BARX2: variants seen among roughly 807,000 people sequenced by gnomAD.
BARX2 encodes the protein BARX homeobox 2.
Under a neutral mutation model 25.5 loss-of-function variants are expected in BARX2, and 11 were observed. The ratio of observed to expected loss-of-function variants is 0.43; its 90% CI spans 0.27 to 0.71. BARX2 has a LOEUF of 0.71. BARX2 is among the 30% of genes least tolerant of loss of function. BARX2 has a pLI of 0.19. For synonymous variants in BARX2, 137 were observed against 149.5 expected (o/e 0.92, Z 0.61); for missense variants, 360 against 359.9 (o/e 1.00, Z 0.00).
intron 1 of BARX2, among the ~76,000 whole-genome samples, chr11:129,418,582 A>G (rs1861969445): frequency 6.6e-6 from 1 of 152,144 alleles, no homozygotes; most frequent in African/African-American, 2.4e-5. Flanking sequence ...TTTAGTGTAT[A>G]CATTTCTACA....
rs1291588132 is a variant in BARX2 at position 129,390,169 on chromosome 11, C to T, written c.187+13947C>T. Among the ~76,000 whole-genome samples, 1 of 152,146 alleles carries T rather than the reference C, an allele frequency of 6.6e-6. No homozygotes were observed. Among genetic ancestry groups the T allele is most frequent in the Non-Finnish European group, 1.5e-5 (1 of 68,020 alleles). On this transcript the variant is annotated intron_variant, in intron 1 of 3. Coordinates refer to ENST00000281437, the MANE Select transcript of BARX2 (RefSeq NM_003658.5). The surrounding 1 kb of genome is among the most constrained non-coding windows in gnomAD (Gnocchi z 4.3). ...ACCTTCTATGGTGCAAAGGCATCGC[C>T]AGTGAACAGGGTGATGCCTCTGTCC...
intron 3 of BARX2, among the ~76,000 whole-genome samples, chr11:129,447,190 G>A (rs1200955184): frequency 6.6e-6 from 1 of 152,184 alleles, no homozygotes; most frequent in Non-Finnish European, 1.5e-5. Context: ...TAGAGGGAAG[G>A]AGAGAGTTCC....
chr11:129,418,182 G>C (rs1861965019), intron 1 of BARX2, among the ~76,000 whole-genome samples: 1 of 152,102 alleles, frequency 6.6e-6, no homozygotes, highest in Admixed American at 6.5e-5. Flanking sequence ...AAGCACTATT[G>C]ATATCTATCT....
intron 2 of BARX2, among the ~76,000 whole-genome samples, chr11:129,439,353 C>T (rs1036910305): frequency 3.3e-5 from 5 of 151,900 alleles, no homozygotes; most frequent in Admixed American, 1.3e-4. Flanking sequence ...TAGGTATACA[C>T]GTGCCATGGT....
chr11:129,439,278 AT>A (rs960327390), intron 2 of BARX2, among the ~76,000 whole-genome samples: 4 of 150,452 alleles, frequency 2.7e-5, no homozygotes, highest in Non-Finnish European at 4.4e-5. Flanking sequence ...GAGGAGGACA[AT>A]TTTTTTTTTA....
chr11:129,401,228 T>A (rs1861771880), intron 1 of BARX2, among the ~76,000 whole-genome samples: 1 of 152,132 alleles, frequency 6.6e-6, no homozygotes, highest in African/African-American at 2.4e-5. Context: ...TGCAAGAAAC[T>A]TGGCTAAGGT....
At chr11:129,425,482 CA>C (rs1227761668) in intron 1 of BARX2, among the ~76,000 whole-genome samples, 1 of 152,194 alleles carries the variant, frequency 6.6e-6, no homozygotes, top group Non-Finnish European at 1.5e-5. Flanking sequence ...AAGACCACAC[CA>C]TGTCCATGTG....
intron 1 of BARX2, among the ~76,000 whole-genome samples, chr11:129,388,712 T>C (rs112767989): frequency 6.6e-6 from 1 of 152,176 alleles, no homozygotes; most frequent in African/African-American, 2.4e-5. Context: ...TCTCTATTTT[T>C]AAAAACCTTT....
intron 2 of BARX2, among the ~76,000 whole-genome samples, chr11:129,440,345 T>C (rs916087802): frequency 2.6e-5 from 4 of 152,208 alleles, no homozygotes; most frequent in African/African-American, 7.2e-5. Context: ...GAGCCTTCCA[T>C]TGACTAATGC....
intron 3 of BARX2, among the ~76,000 whole-genome samples, chr11:129,444,674 G>C (rs903086689): frequency 2.0e-5 from 3 of 152,186 alleles, no homozygotes; most frequent in Non-Finnish European, 4.4e-5. Flanking sequence ...GTTCAGAAGA[G>C]AGGTAATGGA....
chr11:129,408,970 CT>C (rs1476087215), intron 1 of BARX2, among the ~76,000 whole-genome samples: 2 of 152,102 alleles, frequency 1.3e-5, no homozygotes, highest in African/African-American at 4.8e-5. Flanking sequence ...GGGCTGTGAC[CT>C]TTGTTGCCCT....
Position 129,436,485 on chromosome 11 carries a change from G to A in BARX2, c.188-266G>A. On this transcript the variant is annotated intron_variant, in intron 1 of 3. Coordinates refer to ENST00000281437, the MANE Select transcript of BARX2 (RefSeq NM_003658.5). The surrounding 1 kb of genome is among the most constrained non-coding windows in gnomAD (Gnocchi z 4.5). Reference sequence around the variant, plus strand: ...TTTAGGGATTCCGAAGGGAGAGAGGGGAAAGATCTGCTTAAAACCAGAGGA... The same window carrying A: ...TTTAGGGATTCCGAAGGGAGAGAGGAGAAAGATCTGCTTAAAACCAGAGGA... 1 of 391,792 alleles carries A rather than the reference G, an allele frequency of 2.6e-6. No homozygotes were observed. The highest frequency in any genetic ancestry group is 2.1e-5 in the African/African-American group (1 of 48,730). The allele number at this position is 391,792 out of a possible 1,614,324, so 24.3% of individuals were successfully genotyped here.
intron 1 of BARX2, among the ~76,000 whole-genome samples, chr11:129,432,835 T>A (rs989488250): frequency 4.6e-5 from 7 of 152,194 alleles, no homozygotes; most frequent in African/African-American, 1.7e-4. Flanking sequence ...TCATCTAGAT[T>A]TGGGGATGCC....
intron 1 of BARX2, among the ~76,000 whole-genome samples, chr11:129,386,467 A>G (rs1479318931): frequency 6.6e-6 from 1 of 152,210 alleles, no homozygotes; most frequent in Non-Finnish European, 1.5e-5. Flanking sequence ...TATCTGTCCA[A>G]GTTCTCTTTA....
chr11:129,377,438 C>T (rs1484674968), intron 1 of BARX2, among the ~76,000 whole-genome samples: 1 of 152,212 alleles, frequency 6.6e-6, no homozygotes, highest in Non-Finnish European at 1.5e-5. Context: ...ATACTGTATT[C>T]AGTTATGCCT....
At position 129,451,242 on chromosome 11, in the gene BARX2, A is replaced by G; in HGVS notation, c.680A>G (p.Gln227Arg). 1 of 1,614,216 alleles carries G rather than the reference A, an allele frequency of 6.2e-7. No individual in the cohort carries two copies. Among genetic ancestry groups the G allele is most frequent in the Non-Finnish European group, 8.5e-7 (1 of 1,180,034 alleles). Residue 227 changes from glutamine to arginine, a missense_variant, in exon 4 of 4, where the codon CAG becomes CGG. Physicochemically the swap from Gln to Arg is conservative, Grantham distance 43 (BLOSUM62 1). This residue lies in a region of BARX2 where 114 missense variants were observed against 109.4 expected (regional missense o/e 1.04). Transcript: ENST00000281437. ...EIEAEEKMNS[Q>R]AQGQEQLEPS... ...GAAGCTGAAGAGAAGATGAACAGCC[A>G]GGCCCAGGGTCAGGAGCAGCTGGAG...
At chr11:129,411,731 G>A (rs1032075286) in intron 1 of BARX2, among the ~76,000 whole-genome samples, 2 of 152,268 alleles carry the variant, frequency 1.3e-5, no homozygotes, top group African/African-American at 4.8e-5. Flanking sequence ...CCACACGGCA[G>A]AATCACCAGG....
chr11:129,437,199 T>G lies in BARX2; in HGVS notation c.488+148T>G, dbSNP rs1862201913. 4 of 963,128 alleles carry G rather than the reference T, an allele frequency of 4.2e-6. No homozygotes were observed. The Admixed American group carries it at 1.4e-4, about 33-fold the overall frequency. 59.7% of individuals were successfully genotyped at this position (963,128 alleles called of 1,614,324 possible). On this transcript the variant is annotated intron_variant, in intron 2 of 3. Coordinates refer to ENST00000281437, the MANE Select transcript of BARX2 (RefSeq NM_003658.5). ...CTCCTTGGCTCAAATCATCTCAACC[T>G]TGGTTAACAGAACCCAGCCCACATG...
intron 1 of BARX2, among the ~76,000 whole-genome samples, chr11:129,399,896 C>T (rs970714497): frequency 2.6e-5 from 4 of 152,244 alleles, no homozygotes; most frequent in Admixed American, 2.6e-4. Context: ...TGGGAAGCTG[C>T]CTCCCACCCC....
Sources: gnomAD v4.1 joint callset for allele counts (sites outside exome capture counted in the v4.1 genomes callset) on GRCh38, gnomAD v4.1.1 for gene constraint, gnomAD v4.1.1 regional missense constraint, Gnocchi (gnomAD v3.1) non-coding constraint, MANE v1.5 for transcripts, NCBI Gene and HGNC (gene_info 2026-07-23, HGNC 2026-07-21) for gene names.